Variants in MAST4 observed in about 807,000 individuals in gnomAD.
The protein encoded by MAST4 is microtubule associated serine/threonine kinase family member 4, also known as microtubule-associated serine/threonine-protein kinase 4.
MAST4 carries 89 observed loss-of-function variants against 162.7 expected under a neutral mutation model. That is an observed-to-expected ratio of 0.55 (90% CI 0.46 to 0.65). The LOEUF (loss-of-function observed/expected upper bound fraction) is 0.65. Ranked by LOEUF, MAST4 falls within the 30% of genes least tolerant of loss-of-function variation. The pLI is 0.00. For missense variants in MAST4, 3,153 were observed against 3,374.0 expected, an observed-to-expected ratio of 0.93 and a Z score of 1.62; for synonymous variants, 1,479 against 1,361.1, an observed-to-expected ratio of 1.09 and a Z score of -1.91.
At chr5:66,647,800 T>C (rs1052771261) in intron 1 of MAST4, among the ~76,000 whole-genome samples, 12 of 152,298 alleles carry the variant, frequency 7.9e-5, no homozygotes, top group African/African-American at 2.6e-4. Context: ...GAGAATTTAC[T>C]ATACCATTCA....
chr5:66,759,536 G>A (rs1263874894), intron 1 of MAST4, among the ~76,000 whole-genome samples, 173 bp from the exon 2 acceptor site: 1 of 152,174 alleles, frequency 6.6e-6, no homozygotes, highest in Non-Finnish European at 1.5e-5. Context: ...TCTTTCGGAA[G>A]GAAGATGTGA....
rs753447534 is a variant in MAST4 at position 67,110,130 on chromosome 5, A to G, written c.1389A>G (p.Ala463=). 1 of 1,613,554 alleles carries G rather than the reference A, an allele frequency of 6.2e-7. No homozygotes were observed. Among genetic ancestry groups the G allele is most frequent in the African/African-American group, 1.3e-5 (1 of 74,900 alleles). The part of the protein sequence containing the change: ...AHDRSESGEL[A]FIKQLVRKIL... ...ATCGTTCAGAAAGTGGAGAATTGGC[A>G]TTTATTAAACAACTAGTTCGAAAGA... Residue 463 remains alanine (A), a synonymous_variant, in exon 11 of 29, where the codon GCA becomes GCG. Transcript: ENST00000403625.
At chr5:66,799,078 G>T (rs1438641168) in intron 3 of MAST4, among the ~76,000 whole-genome samples, 1 of 152,150 alleles carries the variant, frequency 6.6e-6, no homozygotes, top group Non-Finnish European at 1.5e-5. Context: ...ACATGATGGA[G>T]GGTTGAGGTT....
chr5:66,766,615 T>G (rs377416352), intron 2 of MAST4, among the ~76,000 whole-genome samples: 4 of 152,148 alleles, frequency 2.6e-5, no homozygotes, highest in African/African-American at 7.2e-5. Flanking sequence ...TACTCTGTAG[T>G]ACCCAATGGG....
chr5:66,807,180 A>G (rs574959311), intron 3 of MAST4, among the ~76,000 whole-genome samples: 225 of 152,342 alleles, frequency 1.5e-3, no homozygotes, highest in African/African-American at 5.1e-3. Context: ...TAAAAATCCA[A>G]TTACACTCTT....
At chr5:66,926,558 T>C (rs10043909) in intron 4 of MAST4, among the ~76,000 whole-genome samples, 60,862 of 108,654 alleles carry the variant, frequency 0.56, 13,735 homozygotes, top group African/African-American at 0.66. Context: ...CTTTCTCTCT[T>C]TCTCTCTCTA....
At chr5:66,937,111 T>C (rs980141624) in intron 4 of MAST4, among the ~76,000 whole-genome samples, 2 of 152,192 alleles carry the variant, frequency 1.3e-5, no homozygotes, top group African/African-American at 4.8e-5. Context: ...ACTCATGTTA[T>C]TTTAAAACAC....
At chr5:66,728,537 G>A (rs1262735070) in intron 1 of MAST4, among the ~76,000 whole-genome samples, 1 of 152,152 alleles carries the variant, frequency 6.6e-6, no homozygotes, top group Non-Finnish European at 1.5e-5. Flanking sequence ...GGTCTACAGT[G>A]CATGTCTAAT....
chr5:67,076,613 C>T (rs1044464661), intron 5 of MAST4, among the ~76,000 whole-genome samples: 1 of 152,178 alleles, frequency 6.6e-6, no homozygotes, highest in African/African-American at 2.4e-5. Context: ...CCTGACCCCC[C>T]TCCCCAGTGC....
intron 4 of MAST4, among the ~76,000 whole-genome samples, chr5:67,016,853 C>T (rs1017763567): frequency 1.3e-5 from 2 of 152,074 alleles, no homozygotes; most frequent in Non-Finnish European, 2.9e-5. Flanking sequence ...AAATCCATGC[C>T]GATCTTGTAA....
At chr5:66,602,158 C>A (rs952843783) in intron 1 of MAST4, among the ~76,000 whole-genome samples, 1 of 152,100 alleles carries the variant, frequency 6.6e-6, no homozygotes, top group African/African-American at 2.4e-5. Context: ...GAAGGAAAAA[C>A]TTTATTACCA....
In MAST4 at chr5:67,166,504, C is replaced by T; in HGVS notation, c.7325C>T (p.Ser2442Leu). The T allele has an allele frequency of 1.2e-6, 2 of 1,606,248 alleles. No homozygotes were observed. The highest frequency in any genetic ancestry group is 1.7e-6 in the Non-Finnish European group (2 of 1,176,458). Reference protein sequence around the residue: ...DKPNGMKRSPSATGQSSFRST... With the variant: ...DKPNGMKRSPLATGQSSFRST... ...CCCAATGGCATGAAACGGTCCCCCT[C>T]AGCCACTGGGCAGAGTTCTTTCCGA... The change falls in exon 29 of 29, where the codon TCA becomes TTA. Residue 2442 changes from serine (S) to leucine (L), a missense_variant. By Grantham distance (145) the Ser-to-Leu change is moderately radical. Around this residue, in one of 7 missense-constraint regions of MAST4, gnomAD observed 1,644 missense variants for 1,495.0 expected, o/e 1.10. Coordinates refer to ENST00000403625, the MANE Select transcript of MAST4 (RefSeq NM_001164664.2).
At chr5:66,836,196 C>T (rs1443231601) in intron 3 of MAST4, among the ~76,000 whole-genome samples, 1 of 151,216 alleles carries the variant, frequency 6.6e-6, no homozygotes, top group Non-Finnish European at 1.5e-5. Flanking sequence ...ATGCTTTTGA[C>T]AAGTATTTAA....
chr5:66,717,008 G>A (rs1750883301), intron 1 of MAST4, among the ~76,000 whole-genome samples: 1 of 152,164 alleles, frequency 6.6e-6, no homozygotes, highest in African/African-American at 2.4e-5. Flanking sequence ...ATTCTGTAGG[G>A]GGAGACCAGC....
At chr5:67,084,648 A>G (rs1763046916) in intron 5 of MAST4, among the ~76,000 whole-genome samples, 1 of 152,224 alleles carries the variant, frequency 6.6e-6, no homozygotes, top group South Asian at 2.1e-4. Flanking sequence ...TAAATTATTT[A>G]GAGAAAGAGA....
intron 4 of MAST4, among the ~76,000 whole-genome samples, chr5:67,000,146 G>A (rs1751117464): frequency 6.6e-6 from 1 of 152,254 alleles, no homozygotes; most frequent in South Asian, 2.1e-4. Context: ...ACTTGAAGGT[G>A]TGGACAGCCC....
At chr5:66,849,906 G>A (rs1759178200) in intron 3 of MAST4, among the ~76,000 whole-genome samples, 1 of 152,182 alleles carries the variant, frequency 6.6e-6, no homozygotes, top group South Asian at 2.1e-4. Context: ...CACAATAGAG[G>A]AGACTCTCTC....
intron 12 of MAST4, among the ~76,000 whole-genome samples, chr5:67,117,895 A>T (rs942748883): frequency 6.6e-6 from 1 of 152,214 alleles, no homozygotes; most frequent in South Asian, 2.1e-4. Context: ...TCAGGGTAGT[A>T]CTTAAAGCTG....
intron 2 of MAST4, among the ~76,000 whole-genome samples, chr5:66,767,171 G>GT (rs1491527000): frequency 0.045 from 351 of 7,880 alleles, 1 homozygote; most frequent in Middle Eastern, 0.12. Flanking sequence ...TAAAGTGCAC[G>GT]TGTGTGTGTG....
Sources: gnomAD v4.1 joint callset for allele counts (sites outside exome capture counted in the v4.1 genomes callset) on GRCh38, gnomAD v4.1.1 for gene constraint, gnomAD v4.1.1 regional missense constraint, MANE v1.5 for transcripts, NCBI Gene and HGNC (gene_info 2026-07-23, HGNC 2026-07-21) for gene names.